SYNPR: variants seen among roughly 807,000 people sequenced by gnomAD.
The protein encoded by SYNPR is synaptoporin.
SYNPR carries 23 observed loss-of-function variants against 32.9 expected under a neutral mutation model. That is an observed-to-expected ratio of 0.70 (90% CI 0.50 to 0.99). The LOEUF is 0.99. Ranked by LOEUF, SYNPR falls within the 50% of genes least tolerant of loss-of-function variation. The pLI, the probability that SYNPR is intolerant of heterozygous loss-of-function variation, is 0.00. For synonymous variants in SYNPR, 146 were observed against 135.9 expected, an observed-to-expected ratio of 1.07 and a Z score of -0.52; for missense variants, 318 against 349.3, an observed-to-expected ratio of 0.91 and a Z score of 0.71.
chr3:63,510,258 C>A (rs188318887), intron 3 of SYNPR, among the ~76,000 whole-genome samples: 11 of 152,076 alleles, frequency 7.2e-5, no homozygotes, highest in Admixed American at 3.3e-4. Flanking sequence ...CCCAGGTCAC[C>A]CTATCACTGT....
chr3:63,595,757 A>ATATATAGTTT (rs1699934940), intron 4 of SYNPR, among the ~76,000 whole-genome samples: 8 of 31,004 alleles, frequency 2.6e-4, no homozygotes, highest in African/African-American at 1.8e-3. Flanking sequence ...ATATATATAT[A>ATATATAGTTT]TATATATATA....
intron 3 of SYNPR, among the ~76,000 whole-genome samples, chr3:63,494,185 TAGAA>T (rs1352786639): frequency 6.6e-6 from 1 of 151,308 alleles, no homozygotes; most frequent in Non-Finnish European, 1.5e-5. Flanking sequence ...ACATTACTCT[TAGAA>T]AGAAAAACAA....
At chr3:63,202,910 C>T in the SYNPR span, among the ~76,000 whole-genome samples, 1 of 151,708 alleles carries the variant, frequency 6.6e-6, no homozygotes, top group Non-Finnish European at 1.5e-5. Context: ...GTTTGGGAAA[C>T]TTTGTTTTAG....
the SYNPR span, among the ~76,000 whole-genome samples, chr3:63,210,195 T>C: frequency 6.6e-6 from 1 of 152,216 alleles, no homozygotes; most frequent in Non-Finnish European, 1.5e-5. Flanking sequence ...TCTTTACTTA[T>C]ATATCTTGGC....
rs1002317163 is a variant in SYNPR, at chr3:63,591,268, C to T, written c.409-17857C>T. On this transcript the variant is annotated intron_variant, in intron 4 of 5. Transcript: ENST00000478300. Reference sequence around the variant, plus strand: ...AAAACCACTATGAGATATCATCTCACACCAGTTAGAATGGCGATCATTAAA... The same window carrying T: ...AAAACCACTATGAGATATCATCTCATACCAGTTAGAATGGCGATCATTAAA... 5.6e-5 allele frequency among the ~76,000 whole-genome samples: 7 copies of T among 126,062 alleles called. No homozygotes were observed. In the East Asian group the frequency reaches 1.0e-3, roughly 19 times the overall value. The allele number at this position is 126,062 out of a possible 152,430, so 82.7% of individuals were successfully genotyped here.
At chr3:63,387,118 A>G (rs1220002914) in intron 2 of SYNPR, among the ~76,000 whole-genome samples, 11 of 152,312 alleles carry the variant, frequency 7.2e-5, no homozygotes, top group Middle Eastern at 3.4e-3. Context: ...CTGACATACA[A>G]TGTTTATGCT....
chr3:63,535,242 C>T (rs1308197195), intron 3 of SYNPR, among the ~76,000 whole-genome samples: 1 of 152,088 alleles, frequency 6.6e-6, no homozygotes. Context: ...TTACAAAGAA[C>T]AATTCCTCAA....
intron 3 of SYNPR, among the ~76,000 whole-genome samples, chr3:63,539,919 A>T (rs1702269691): frequency 6.6e-6 from 1 of 152,092 alleles, no homozygotes; most frequent in Admixed American, 6.6e-5. Context: ...TTTAGGGCTG[A>T]ATCCAAAAAT....
chr3:63,259,650 T>G (rs1466413763), intron 2 of SYNPR, among the ~76,000 whole-genome samples: 1 of 152,192 alleles, frequency 6.6e-6, no homozygotes, highest in Non-Finnish European at 1.5e-5. Flanking sequence ...AGAATTCCCT[T>G]TGAAAACTGG....
chr3:63,544,585 A>G (rs1005492235), intron 3 of SYNPR, among the ~76,000 whole-genome samples: 1 of 152,148 alleles, frequency 6.6e-6, no homozygotes, highest in African/African-American at 2.4e-5. Flanking sequence ...CAGTTATTAC[A>G]TGAATAATGA....
intron 2 of SYNPR, among the ~76,000 whole-genome samples, chr3:63,480,358 C>T (rs1355974709): frequency 1.3e-5 from 2 of 152,276 alleles, no homozygotes; most frequent in East Asian, 1.9e-4. Flanking sequence ...TAGAATTCTC[C>T]GACCATGACT....
At chr3:63,494,975 G>C (rs578035604) in intron 3 of SYNPR, among the ~76,000 whole-genome samples, 1 of 152,248 alleles carries the variant, frequency 6.6e-6, no homozygotes, top group Non-Finnish European at 1.5e-5. Context: ...GGTTCTCAGA[G>C]ATATTGTTTT....
chr3:63,275,716 G>A (rs572148124), upstream of SYNPR, among the ~76,000 whole-genome samples: 1 of 152,332 alleles, frequency 6.6e-6, no homozygotes, highest in South Asian at 2.1e-4. Flanking sequence ...TAGAAAAGGG[G>A]AAATTATTAT....
At chr3:63,459,346 AC>A (rs1460184928) in intron 2 of SYNPR, among the ~76,000 whole-genome samples, 1 of 151,926 alleles carries the variant, frequency 6.6e-6, no homozygotes, top group African/African-American at 2.4e-5. Context: ...ACTCTGACCC[AC>A]CTCCATAACT....
rs1560221297 is a variant in SYNPR at position 63,408,338 on chromosome 3, A to AAG, written c.85-72492_85-72491dup. Among the ~76,000 whole-genome samples the AAG allele has an allele frequency of 5.0e-4, 72 of 142,944 alleles. 4 individuals are homozygous for AAG. The highest frequency in any genetic ancestry group is 3.9e-3 in the Admixed American group (55 of 14,242). The allele number at this position is 142,944 out of a possible 152,430, so 93.8% of individuals were successfully genotyped here. The stretch of plus-strand genomic sequence containing the variant: ...AAGGAAGGAAAGAAAGAAAGAAAGA[A>AAG]AGAAAGAAAGAAAGAAAGAAAGAAA... On this transcript the variant is annotated intron_variant, in intron 2 of 5. Coordinates refer to ENST00000478300, the MANE Select transcript of SYNPR (RefSeq NM_001130003.2).
intron 2 of SYNPR, among the ~76,000 whole-genome samples, chr3:63,278,985 C>T (rs2086602904): frequency 6.6e-6 from 1 of 152,168 alleles, no homozygotes; most frequent in Non-Finnish European, 1.5e-5. Flanking sequence ...AGTGTCGTCT[C>T]ACCTCACCGC....
At chr3:63,253,921 T>C (rs1378831369) in intron 2 of SYNPR, among the ~76,000 whole-genome samples, 2 of 152,210 alleles carry the variant, frequency 1.3e-5, no homozygotes, top group Non-Finnish European at 2.9e-5. Context: ...CCAACCCAAA[T>C]GTCCAACAAT....
intron 2 of SYNPR, among the ~76,000 whole-genome samples, chr3:63,266,637 G>T (rs558375159): frequency 6.2e-4 from 91 of 147,090 alleles, no homozygotes; most frequent in Middle Eastern, 7.1e-3. Flanking sequence ...AACCTGGGAG[G>T]TGGAGGTTGC....
intron 4 of SYNPR, among the ~76,000 whole-genome samples, chr3:63,600,068 C>A (rs1228716113): frequency 6.6e-6 from 1 of 152,176 alleles, no homozygotes; most frequent in Non-Finnish European, 1.5e-5. Context: ...GCTTGTGATA[C>A]GCTGTGGTAG....
Sources: gnomAD v4.1 joint callset for allele counts (sites outside exome capture counted in the v4.1 genomes callset) on GRCh38, gnomAD v4.1.1 for gene constraint, MANE v1.5 for transcripts, NCBI Gene and HGNC (gene_info 2026-07-23, HGNC 2026-07-21) for gene names.